The following NTNG1 variants were observed in gnomAD, a reference collection of about 807,000 sequenced individuals.
The protein encoded by NTNG1 is netrin G1.
A neutral mutation model predicts 54.0 loss-of-function variants in NTNG1; 16 were observed. The observed-to-expected ratio is 0.30, with a 90% CI of 0.20 to 0.45. The LOEUF is 0.45. Ranked by LOEUF, NTNG1 falls within the 20% of genes least tolerant of loss-of-function variation. NTNG1 has a pLI of 1.00. For synonymous variants in NTNG1, 255 were observed against 263.1 expected (o/e 0.97, Z 0.30); for missense variants, 530 against 678.7 (o/e 0.78, Z 2.43).
intron 2 of NTNG1, among the ~76,000 whole-genome samples, chr1:107,301,432 A>G (rs2101803942): frequency 6.6e-6 from 1 of 152,306 alleles, no homozygotes; most frequent in East Asian, 1.9e-4. Context: ...CACCTAAAAC[A>G]TGATCTCCTC....
chr1:107,182,269 C>A (rs1426474447), intron 2 of NTNG1, among the ~76,000 whole-genome samples: 1 of 152,116 alleles, frequency 6.6e-6, no homozygotes, highest in Non-Finnish European at 1.5e-5. Flanking sequence ...GCATTTGAGT[C>A]TCCCCAAATC....
In NTNG1 at chr1:107,411,710, T is replaced by C. The variant is rs17018936; in HGVS notation, c.1087+4002T>C. Reference sequence around the variant, plus strand: ...AAAAATTATCAGGCTAGTGTAGCGATAGGCAAATTGCATGGTGTGCTACAT... The same window carrying C: ...AAAAATTATCAGGCTAGTGTAGCGACAGGCAAATTGCATGGTGTGCTACAT... On this transcript the variant is annotated intron_variant, in intron 5 of 7. Coordinates refer to ENST00000370068, the MANE Select transcript of NTNG1 (RefSeq NM_001113226.3). Among the ~76,000 whole-genome samples, 1,800 of 152,254 alleles carry C rather than the reference T, an allele frequency of 0.012. 87 individuals are homozygous for C. The East Asian group carries it at 0.17, about 15-fold the overall frequency.
intron 2 of NTNG1, among the ~76,000 whole-genome samples, chr1:107,264,514 A>G (rs1663599314): frequency 6.6e-6 from 1 of 152,048 alleles, no homozygotes; most frequent in Non-Finnish European, 1.5e-5. Flanking sequence ...CTATATATAG[A>G]TTTTCCTTTC....
intron 2 of NTNG1, among the ~76,000 whole-genome samples, chr1:107,303,980 C>T (rs1172778128): frequency 2.0e-5 from 3 of 151,654 alleles, no homozygotes; most frequent in Non-Finnish European, 2.9e-5. Flanking sequence ...CCACCGCGCC[C>T]GCCTCTAATG....
chr1:107,328,883 G>C (rs1240479012), intron 3 of NTNG1: 2 of 152,064 alleles, frequency 1.3e-5, no homozygotes, highest in Non-Finnish European at 2.9e-5. Context: ...ATATATCAAG[G>C]TACTGATTTT....
chr1:107,377,011 G>T (rs940184987), intron 3 of NTNG1, among the ~76,000 whole-genome samples: 15 of 152,338 alleles, frequency 9.8e-5, no homozygotes, highest in African/African-American at 3.4e-4. Flanking sequence ...GTCTGCAAAG[G>T]GGGAGATTAA....
chr1:107,297,157 C>T (rs1161900539), intron 2 of NTNG1, among the ~76,000 whole-genome samples: 4 of 132,816 alleles, frequency 3.0e-5, no homozygotes, highest in African/African-American at 1.1e-4. Flanking sequence ...ATATATATAA[C>T]ATCATATATA....
In NTNG1 at chr1:107,466,455, T is replaced by A. The variant is rs1324570453; in HGVS notation, c.1391-14156T>A. ...CAGCAAAGAAGAAAGCAGTCAAAAT[T>A]CTTATCTTCATGGAGCTTTTATTCT... On this transcript the variant is annotated intron_variant, in intron 7 of 7. Coordinates refer to ENST00000370068, the MANE Select transcript of NTNG1 (RefSeq NM_001113226.3). 4.6e-5 allele frequency among the ~76,000 whole-genome samples: 7 copies of A among 152,346 alleles called. No homozygotes were observed. In the East Asian group the frequency reaches 1.3e-3, roughly 29 times the overall value.
At chr1:107,432,692 G>T (rs975827689) in intron 6 of NTNG1, among the ~76,000 whole-genome samples, 7 of 151,924 alleles carry the variant, frequency 4.6e-5, no homozygotes, top group African/African-American at 1.7e-4. Context: ...AGGAACACAG[G>T]ATAAAAAACC....
chr1:107,374,588 T>C (rs896050581), intron 3 of NTNG1, among the ~76,000 whole-genome samples: 5 of 152,114 alleles, frequency 3.3e-5, no homozygotes, highest in African/African-American at 1.2e-4. Context: ...TATATATCTA[T>C]ATATTCTATT....
At chr1:107,248,489 C>CTAAG (rs1662348274) in intron 2 of NTNG1, among the ~76,000 whole-genome samples, 1 of 152,182 alleles carries the variant, frequency 6.6e-6, no homozygotes, top group South Asian at 2.1e-4. Flanking sequence ...AGGAGTTAAT[C>CTAAG]TTACTAAGGA....
intron 7 of NTNG1, among the ~76,000 whole-genome samples, chr1:107,452,729 T>C (rs908923579): frequency 3.9e-5 from 6 of 152,162 alleles, no homozygotes; most frequent in African/African-American, 1.4e-4. Context: ...TTCTCTGCCA[T>C]GATACAATGA....
intron 2 of NTNG1, among the ~76,000 whole-genome samples, chr1:107,224,634 A>C (rs1022557078): frequency 6.6e-6 from 1 of 152,054 alleles, no homozygotes; most frequent in Non-Finnish European, 1.5e-5. Flanking sequence ...GCGTTTACTA[A>C]ATGGGACTCG....
chr1:107,414,968 A>G (rs1674101978), intron 5 of NTNG1, among the ~76,000 whole-genome samples: 1 of 152,152 alleles, frequency 6.6e-6, no homozygotes, highest in Non-Finnish European at 1.5e-5. Flanking sequence ...CACAGATACA[A>G]TCTGAAAATT....
intron 7 of NTNG1, among the ~76,000 whole-genome samples, chr1:107,456,069 G>T (rs1413097873): frequency 6.6e-6 from 1 of 152,172 alleles, no homozygotes; most frequent in Non-Finnish European, 1.5e-5. Context: ...GTCCTATGAT[G>T]ATGGGAGGCA....
rs1678787165 is a variant in NTNG1 at position 107,482,440 on chromosome 1, T to A, written c.*1600T>A. 1 of 152,216 alleles carries A rather than the reference T, an allele frequency of 6.6e-6. No individual in the cohort carries two copies. The highest frequency in any genetic ancestry group is 2.1e-4 in the South Asian group (1 of 4,832). The allele number at this position is 152,216 out of a possible 1,614,324, so 9.4% of individuals were successfully genotyped here. A position where few individuals can be genotyped will look rare whatever the true frequency, so the allele number is the denominator to read the frequency against. On this transcript the variant is annotated 3_prime_UTR_variant, in exon 8 of 8. Coordinates refer to ENST00000370068, the MANE Select transcript of NTNG1 (RefSeq NM_001113226.3). ...ATAAATTCTTGTTTCTGCCTTTTAT[T>A]AGGCCAATTACTGTGCAAGACAGCA... is the stretch of plus-strand genomic sequence containing the variant.
intron 2 of NTNG1, among the ~76,000 whole-genome samples, chr1:107,318,661 A>G (rs1208228546): frequency 2.0e-5 from 3 of 152,180 alleles, no homozygotes; most frequent in African/African-American, 7.2e-5. Context: ...AGTGGAAAAC[A>G]TGAACAGAAA....
chr1:107,222,405 A>G (rs780097130), intron 2 of NTNG1, among the ~76,000 whole-genome samples: 1 of 152,200 alleles, frequency 6.6e-6, no homozygotes, highest in Non-Finnish European at 1.5e-5. Flanking sequence ...TGTAGCTAAC[A>G]TTCATGTCTT....
intron 2 of NTNG1, among the ~76,000 whole-genome samples, chr1:107,275,395 A>T (rs1329233293): frequency 6.6e-6 from 1 of 152,044 alleles, no homozygotes; most frequent in Non-Finnish European, 1.5e-5. Flanking sequence ...AATAAATAAA[A>T]ATAAATAAAT....
Sources: gnomAD v4.1 joint callset for allele counts (sites outside exome capture counted in the v4.1 genomes callset) on GRCh38, gnomAD v4.1.1 for gene constraint, MANE v1.5 for transcripts, NCBI Gene and HGNC (gene_info 2026-07-23, HGNC 2026-07-21) for gene names.